SEC24A: variants seen among roughly 807,000 people sequenced by gnomAD.
SEC24A encodes SEC24 homolog A, COPII component, also known as protein transport protein Sec24A.
In SEC24A, 93 loss-of-function variants were observed where a neutral mutation model predicts 129.4. The observed-to-expected ratio is 0.72, with a 90% CI of 0.61 to 0.85. SEC24A has a LOEUF of 0.85. Ranked by LOEUF, SEC24A falls within the 40% of genes least tolerant of loss-of-function variation. The pLI is 0.00. For missense variants in SEC24A, 1,264 were observed against 1,307.4 expected (o/e 0.97, Z 0.51); for synonymous variants, 460 against 467.3 (o/e 0.98, Z 0.20).
At position 134,662,423 on chromosome 5, in the gene SEC24A, T is replaced by G. The variant is rs563817817; in HGVS notation, c.565+837T>G. Among the ~76,000 whole-genome samples the G allele has an allele frequency of 7.2e-5, 11 of 152,118 alleles. No homozygotes were observed. The South Asian group carries it at 1.2e-3, about 17-fold the overall frequency. ...CCCGCCTTGACCTCCCAAAGTGCTGTGATTACAGGTGTGAGCCAATATTTC... is the reference window on the plus strand; with the variant it reads ...CCCGCCTTGACCTCCCAAAGTGCTGGGATTACAGGTGTGAGCCAATATTTC... On this transcript the variant is annotated intron_variant, in intron 2 of 22. Coordinates refer to ENST00000398844, the MANE Select transcript of SEC24A (RefSeq NM_021982.3).
chr5:134,679,716 C>T lies in SEC24A; in HGVS notation c.1369C>T (p.Arg457Ter), dbSNP rs772293977. The T allele has an allele frequency of 1.2e-5, 19 of 1,585,430 alleles. No individual in the cohort carries two copies. Among genetic ancestry groups the T allele is most frequent in the Non-Finnish European group, 1.5e-5 (17 of 1,162,038 alleles). Residue 457 changes from arginine to a stop codon, truncating the protein, a stop_gained, in exon 8 of 23, where the codon CGA becomes TGA. Transcript: ENST00000398844. LOFTEE classifies it high-confidence loss of function. ...GAGATGGAAGTGTAACTTATGTTATCGAGTCAATGATGGTATGGGATGCTT... is the reference window on the plus strand; with the variant it reads ...GAGATGGAAGTGTAACTTATGTTATTGAGTCAATGATGGTATGGGATGCTT... ...QRRWKCNLCY[R>*]VNDVPEEFLY...
rs1346544073 is a variant in SEC24A, at chr5:134,708,745, G to GA, written c.2585dup (p.Asp862GlufsTer12). The GA allele has an allele frequency of 6.2e-7, 1 of 1,613,950 alleles. No homozygotes were observed. The highest frequency in any genetic ancestry group is 8.5e-7 in the Non-Finnish European group (1 of 1,179,980). On this transcript the variant is annotated frameshift_variant, in exon 18 of 23. Transcript: ENST00000398844. LOFTEE classifies it high-confidence loss of function. ...CAGATCTATGACTGCCAGTCTGAGT[G>GA]ACGCTCGGGATGCTCTAGTGAATGC... is the stretch of plus-strand genomic sequence containing the variant.
intron 18 of SEC24A, among the ~76,000 whole-genome samples, chr5:134,714,021 G>C (rs1021971988): frequency 6.6e-6 from 1 of 151,354 alleles, no homozygotes; most frequent in South Asian, 2.1e-4. Flanking sequence ...CAGCCTTGGC[G>C]ACAGAGGGAG....
chr5:134,674,611 C>G lies in SEC24A; in HGVS notation c.818-4C>G. On this transcript the variant is annotated splice_region_variant and splice_polypyrimidine_tract_variant and intron_variant, in intron 4 of 22. Transcript: ENST00000398844. ...ATAGAACTTAAAAGTTACCTTGTTT[C>G]TAGCAACACCACAGCTTACTAACAA... 2 of 1,609,150 alleles carry G rather than the reference C, an allele frequency of 1.2e-6. No homozygotes were observed. The highest frequency in any genetic ancestry group is 3.3e-4 in the Middle Eastern group (2 of 6,028).
At chr5:134,719,905 A>G (rs1362533166) in intron 20 of SEC24A, among the ~76,000 whole-genome samples, 1 of 152,132 alleles carries the variant, frequency 6.6e-6, no homozygotes, top group Non-Finnish European at 1.5e-5. Context: ...GAATCACTTG[A>G]ACCTGGGAGG....
chr5:134,684,794 T>C (rs1478333605), intron 9 of SEC24A, among the ~76,000 whole-genome samples: 2 of 152,190 alleles, frequency 1.3e-5, no homozygotes, highest in East Asian at 3.8e-4. Flanking sequence ...TGTTCCTTTA[T>C]TGGATTAAAA....
chr5:134,712,286 T>C (rs1752350555), intron 18 of SEC24A, among the ~76,000 whole-genome samples: 1 of 151,946 alleles, frequency 6.6e-6, no homozygotes, highest in Admixed American at 6.6e-5. Context: ...AGTCTCACAC[T>C]GTCATCCGGG....
intron 7 of SEC24A, among the ~76,000 whole-genome samples, chr5:134,677,608 C>T (rs1342285228): frequency 2.6e-5 from 4 of 150,958 alleles, no homozygotes; most frequent in Non-Finnish European, 5.9e-5. Flanking sequence ...GAGGCTGAGG[C>T]GGGCAGATCA....
intron 16 of SEC24A, among the ~76,000 whole-genome samples, chr5:134,705,090 A>ATATATATT (rs1180461537): frequency 2.9e-4 from 36 of 123,286 alleles, no homozygotes; most frequent in African/African-American, 1.0e-3. Context: ...ATATATATAT[A>ATATATATT]TTTTTTTTTT....
At chr5:134,683,686 T>A (rs926860578) in intron 9 of SEC24A, among the ~76,000 whole-genome samples, 2 of 152,170 alleles carry the variant, frequency 1.3e-5, no homozygotes, top group African/African-American at 2.4e-5. Context: ...GCTAATTTTT[T>A]AAAAGTTTTT....
At chr5:134,672,517 G>T (rs888200649) in intron 4 of SEC24A, among the ~76,000 whole-genome samples, 5 of 151,578 alleles carry the variant, frequency 3.3e-5, no homozygotes, top group African/African-American at 1.2e-4. Context: ...TTTTGTAGAG[G>T]CAGGGTTTCA....
At chr5:134,679,275 TCTCAAA>T (rs1751178334) in intron 7 of SEC24A, among the ~76,000 whole-genome samples, 1 of 151,754 alleles carries the variant, frequency 6.6e-6, no homozygotes, top group African/African-American at 2.4e-5. Flanking sequence ...CCCAGGCCGG[TCTCAAA>T]CTCCTGGCCT....
chr5:134,715,140 A>C lies in SEC24A; in HGVS notation c.2844A>C (p.Arg948Ser), dbSNP rs1752440095. 6.2e-7 allele frequency: 1 copy of C among 1,609,808 alleles called. No homozygotes were observed. Among genetic ancestry groups the C allele is most frequent in the Non-Finnish European group, 8.5e-7 (1 of 1,179,082 alleles). The change falls in exon 19 of 23, where the codon AGA (arginine) becomes AGC (serine). Residue 948 changes from arginine (R) to serine (S), a missense_variant. Physicochemically the swap from Arg to Ser is moderately radical, Grantham distance 110. Transcript: ENST00000398844. ...LMLTTHPSLY[R>S]VDNLSDEGAL... ...TCACAACTCATCCCAGTTTGTATAG[A>C]GTTGACAATCTCTCAGATGAGGTAA...
intron 2 of SEC24A, among the ~76,000 whole-genome samples, chr5:134,662,240 T>C (rs535180877): frequency 2.0e-5 from 3 of 152,148 alleles, no homozygotes; most frequent in South Asian, 2.1e-4. Context: ...CTGCAAGCTC[T>C]GCCTCCCGGG....
rs144025591 is a variant in SEC24A at position 134,662,917 on chromosome 5, G to C, written c.565+1331G>C. Among the ~76,000 whole-genome samples the C allele has an allele frequency of 3.4e-3, 510 of 152,204 alleles. 3 individuals are homozygous for C. Among genetic ancestry groups the C allele is most frequent in the African/African-American group, 0.012 (482 of 41,546 alleles). On this transcript the variant is annotated intron_variant, in intron 2 of 22. Transcript: ENST00000398844. ...GGGGGCTGAGGTGGGAGAATTGCTT[G>C]AGCTCTGGCAATTGAGGCTGCAGTG...
intron 16 of SEC24A, among the ~76,000 whole-genome samples, chr5:134,704,783 A>G (rs992886707): frequency 6.6e-6 from 1 of 151,382 alleles, no homozygotes; most frequent in African/African-American, 2.4e-5. Flanking sequence ...TGCCTGGGCA[A>G]CAGAATGAGA....
At chr5:134,666,715 A>T in intron 2 of SEC24A, 108 bp from the exon 3 acceptor site, 1 of 831,738 alleles carries the variant, frequency 1.2e-6, no homozygotes, top group Non-Finnish European at 2.0e-6. Flanking sequence ...CTCTTTGGTT[A>T]TTATAATTTA....
chr5:134,649,503 C>T (rs1195309336), intron 1 of SEC24A, among the ~76,000 whole-genome samples: 1 of 152,150 alleles, frequency 6.6e-6, no homozygotes, highest in Non-Finnish European at 1.5e-5. Context: ...TTCCTTGCCA[C>T]CTCACCCCAG....
intron 11 of SEC24A, among the ~76,000 whole-genome samples, chr5:134,692,351 T>A (rs1479217503): frequency 2.0e-5 from 3 of 152,174 alleles, no homozygotes; most frequent in Non-Finnish European, 4.4e-5. Context: ...CTGGCCCAGA[T>A]AAATATTTTC....
Sources: allele counts gnomAD v4.1 joint callset (sites outside exome capture counted in the v4.1 genomes callset), GRCh38; gene constraint gnomAD v4.1.1; transcripts MANE v1.5; gene names NCBI Gene and HGNC (gene_info 2026-07-23, HGNC 2026-07-21).